AFG1L: variants seen among roughly 807,000 people sequenced by gnomAD.
AFG1L encodes the protein AFG1-like ATPase.
Under a neutral mutation model 62.2 loss-of-function variants are expected in AFG1L, and 53 were observed. The ratio of observed to expected loss-of-function variants is 0.85; its 90% CI spans 0.68 to 1.07. AFG1L has a LOEUF of 1.07. AFG1L is among the 50% of genes least tolerant of loss of function. The pLI is 0.00. For synonymous variants in AFG1L, 228 were observed against 210.3 expected, an observed-to-expected ratio of 1.08 and a Z score of -0.73; for missense variants, 555 against 590.5, an observed-to-expected ratio of 0.94 and a Z score of 0.62.
At chr6:108,366,421 G>C in intron 6 of AFG1L, 89 bp downstream of exon 6, 1 of 715,402 alleles carries the variant, frequency 1.4e-6, no homozygotes, top group East Asian at 2.7e-5. Flanking sequence ...AATGTATTGT[G>C]TTAATAAATC....
intron 8 of AFG1L, among the ~76,000 whole-genome samples, chr6:108,463,380 G>C (rs896019299): frequency 6.8e-6 from 1 of 147,044 alleles, no homozygotes; most frequent in Non-Finnish European, 1.5e-5. Context: ...AGAGGTTAGA[G>C]CTTTTTACTC....
chr6:108,512,772 C>T (rs913064960), intron 11 of AFG1L, among the ~76,000 whole-genome samples: 1 of 151,936 alleles, frequency 6.6e-6, no homozygotes, highest in Non-Finnish European at 1.5e-5. Flanking sequence ...AAACTACCCT[C>T]CTAACATTCC....
intron 2 of AFG1L, among the ~76,000 whole-genome samples, chr6:108,333,638 A>C (rs1025401697): frequency 6.6e-6 from 1 of 152,166 alleles, no homozygotes; most frequent in African/African-American, 2.4e-5. Flanking sequence ...ATAGAAAAAC[A>C]GACAACCCAG....
At chr6:108,300,055 A>G (rs2114815203) in intron 1 of AFG1L, among the ~76,000 whole-genome samples, 1 of 152,312 alleles carries the variant, frequency 6.6e-6, no homozygotes, top group South Asian at 2.1e-4. Context: ...TGACAATATA[A>G]CAATATTATA....
At chr6:108,471,510 G>T in intron 8 of AFG1L, among the ~76,000 whole-genome samples, 1 of 141,760 alleles carries the variant, frequency 7.1e-6, no homozygotes. Flanking sequence ...GCCCAGGCTG[G>T]AGTGCAGTGG....
chr6:108,413,142 A>T (rs1228378792), intron 7 of AFG1L, among the ~76,000 whole-genome samples: 4 of 152,236 alleles, frequency 2.6e-5, no homozygotes, highest in Non-Finnish European at 4.4e-5. Flanking sequence ...ACAGACTTTA[A>T]ACCAACAAAG....
At chr6:108,491,662 G>A (rs1396722596) in intron 10 of AFG1L, among the ~76,000 whole-genome samples, 2 of 152,106 alleles carry the variant, frequency 1.3e-5, no homozygotes, top group South Asian at 2.1e-4. Flanking sequence ...ATAATTCAAG[G>A]TTGTCTTTTG....
intron 5 of AFG1L, 137 bp downstream of exon 5, chr6:108,356,957 A>G (rs940529001): frequency 2.7e-6 from 2 of 732,788 alleles, no homozygotes; most frequent in African/African-American, 3.6e-5. Context: ...TTTACTATCT[A>G]GTTCAGGAGC....
chr6:108,307,708 A>T (rs1777259407), intron 1 of AFG1L, among the ~76,000 whole-genome samples: 1 of 152,220 alleles, frequency 6.6e-6, no homozygotes, highest in African/African-American at 2.4e-5. Flanking sequence ...AAATAATAGA[A>T]TTGCTGGCTC....
At chr6:108,389,000 G>A (rs1295944145) in intron 6 of AFG1L, among the ~76,000 whole-genome samples, 47 of 152,048 alleles carry the variant, frequency 3.1e-4, no homozygotes, top group Middle Eastern at 6.8e-3. Flanking sequence ...CATTATTATT[G>A]TGTGGGAGTC....
intron 2 of AFG1L, 77 bp from the exon 3 acceptor site, chr6:108,346,911 C>G: frequency 9.2e-7 from 1 of 1,086,048 alleles, no homozygotes; most frequent in Admixed American, 1.7e-5. Flanking sequence ...GTATATAGGA[C>G]AGTTAGGAAG....
At chr6:108,320,900 T>A (rs1180571036) in intron 1 of AFG1L, among the ~76,000 whole-genome samples, 6 of 152,104 alleles carry the variant, frequency 3.9e-5, no homozygotes, top group African/African-American at 1.4e-4. Context: ...AACAGGATTG[T>A]GGGAGGAAGA....
At chr6:108,414,999 C>A (rs1782296572) in intron 7 of AFG1L, among the ~76,000 whole-genome samples, 1 of 152,168 alleles carries the variant, frequency 6.6e-6, no homozygotes, top group Admixed American at 6.5e-5. Flanking sequence ...TTGCAGATGA[C>A]ATGATTGTAT....
chr6:108,502,903 A>C (rs1284971477), intron 10 of AFG1L, among the ~76,000 whole-genome samples: 1 of 152,204 alleles, frequency 6.6e-6, no homozygotes, highest in Non-Finnish European at 1.5e-5. Flanking sequence ...CTTTGTTGTC[A>C]TTTCAACAGT....
intron 6 of AFG1L, among the ~76,000 whole-genome samples, chr6:108,369,704 G>A (rs1157470447): frequency 1.3e-5 from 2 of 152,062 alleles, no homozygotes; most frequent in Non-Finnish European, 1.5e-5. Flanking sequence ...TGCCTCCTGG[G>A]TTCAAGCAGT....
At chr6:108,323,667 GTATTTTATAT>G (rs1424412224) in intron 1 of AFG1L, among the ~76,000 whole-genome samples, 148 bp from the exon 2 acceptor site, 3 of 152,242 alleles carry the variant, frequency 2.0e-5, no homozygotes, top group Admixed American at 2.0e-4. Flanking sequence ...GGCTGAAAAT[GTATTTTATAT>G]TATTTTTATC....
Position 108,495,880 on chromosome 6 carries a change from C to T in AFG1L, c.1063-14332C>T, listed in dbSNP as rs529939482. ...TTAAGAAAATTATTCAGATAACCAG[C>T]CACATCAAAGACTATTAAACTTTTT... On this transcript the variant is annotated intron_variant, in intron 10 of 12. Transcript: ENST00000368977. Among the ~76,000 whole-genome samples the T allele has an allele frequency of 1.5e-4, 23 of 152,262 alleles. No homozygotes were observed. In the South Asian group the frequency reaches 4.8e-3, roughly 32 times the overall value.
intron 3 of AFG1L, among the ~76,000 whole-genome samples, chr6:108,347,949 C>T (rs1231627161): frequency 2.0e-5 from 3 of 152,048 alleles, no homozygotes; most frequent in African/African-American, 7.2e-5. Context: ...TATTCACACT[C>T]TAGGCTCCCC....
chr6:108,316,832 C>G (rs767528321), intron 1 of AFG1L, among the ~76,000 whole-genome samples: 1 of 151,986 alleles, frequency 6.6e-6, no homozygotes, highest in Admixed American at 6.6e-5. Context: ...GCGCTCGGCC[C>G]GCTCTGATGT....
Sources: allele counts gnomAD v4.1 joint callset (sites outside exome capture counted in the v4.1 genomes callset), GRCh38; gene constraint gnomAD v4.1.1; transcripts MANE v1.5; gene names NCBI Gene and HGNC (gene_info 2026-07-23, HGNC 2026-07-21).